Variants in SNRNP200 observed in about 807,000 individuals in gnomAD.
SNRNP200 encodes the protein U5 small nuclear ribonucleoprotein 200 kDa helicase.
SNRNP200 carries 66 observed loss-of-function variants against 255.2 expected under a neutral mutation model. The observed-to-expected ratio is 0.26, with a 90% CI of 0.21 to 0.32. The LOEUF (loss-of-function observed/expected upper bound fraction) is 0.32, where lower values mean the gene tolerates loss of function less well. SNRNP200 is among the 10% of genes least tolerant of loss of function. The pLI, the probability that SNRNP200 is intolerant of heterozygous loss-of-function variation, is 1.00. For synonymous variants in SNRNP200, 939 were observed against 1,027.8 expected (o/e 0.91, Z 1.65); for missense variants, 1,585 against 2,749.8 (o/e 0.58, Z 9.47).
At chr2:96,304,599 A>C (rs1411245447) in intron 2 of SNRNP200, 106 bp downstream of exon 2, 2 of 1,466,150 alleles carry the variant, frequency 1.4e-6, no homozygotes, top group Non-Finnish European at 1.9e-6. Context: ...GAATTGTTTT[A>C]ATGCCACTGA....
chr2:96,274,895 C>T lies in SNRNP200; in HGVS notation c.*117G>A. On this transcript the variant is annotated 3_prime_UTR_variant, in exon 45 of 45. Transcript: ENST00000323853. ...GGAGGTAGGCGGGGACAGCACCAGC[C>T]CTGGCTGGCCAGACCTGAGGCCCAC... 1 of 1,191,982 alleles carries T rather than the reference C, an allele frequency of 8.4e-7. No homozygotes were observed. Among genetic ancestry groups the T allele is most frequent in the Non-Finnish European group, 1.2e-6 (1 of 804,902 alleles). 73.8% of individuals were successfully genotyped at this position (1,191,982 alleles called of 1,614,324 possible).
rs761921935 is a variant in SNRNP200, at chr2:96,277,793, C to T, written c.5754+14G>A. 1.2e-6 allele frequency: 2 copies of T among 1,614,116 alleles called. No homozygotes were observed. The highest frequency in any genetic ancestry group is 1.3e-5 in the African/African-American group (1 of 74,940). On this transcript the variant is annotated intron_variant, in intron 40 of 44. Transcript: ENST00000323853. The surrounding 1 kb of genome is among the most constrained non-coding windows in gnomAD (Gnocchi z 4.4). The stretch of plus-strand genomic sequence containing the variant: ...GAGCACCACTGACCCCTCTGCCCCA[C>T]ACCCACACTCTACCTTACTAAGGAT...
intron 43 of SNRNP200, among the ~76,000 whole-genome samples, chr2:96,276,040 G>A (rs949899549): frequency 1.3e-5 from 2 of 152,234 alleles, no homozygotes; most frequent in Admixed American, 6.5e-5. Flanking sequence ...AGAGCTGAAT[G>A]TGCACAGAGA....
intron 3 of SNRNP200, among the ~76,000 whole-genome samples, chr2:96,302,075 C>A (rs932671452): frequency 2.0e-5 from 3 of 152,218 alleles, no homozygotes; most frequent in African/African-American, 7.2e-5. Context: ...GGTCCCCAAT[C>A]TAATCACACA....
intron 30 of SNRNP200, chr2:96,284,826 T>C (rs2063833079): frequency 1.1e-5 from 6 of 551,802 alleles, no homozygotes; most frequent in Non-Finnish European, 1.9e-5. Flanking sequence ...CTTGGCTCAC[T>C]GCAACCTCCG....
chr2:96,284,089 G>T, intron 31 of SNRNP200, 85 bp from the exon 32 acceptor site: 3 of 1,289,906 alleles, frequency 2.3e-6, no homozygotes, highest in Non-Finnish European at 3.3e-6. Flanking sequence ...CAGCCCAACA[G>T]CCTCAAAATG....
intron 12 of SNRNP200, 51 bp from the exon 13 acceptor site, chr2:96,296,742 T>C (rs1329452719): frequency 6.2e-7 from 1 of 1,603,270 alleles, no homozygotes; most frequent in Non-Finnish European, 8.5e-7. Flanking sequence ...TTATTCTCAC[T>C]GCCCTAACTT....
chr2:96,275,624 CTACTA>C (rs1277280099), intron 43 of SNRNP200, among the ~76,000 whole-genome samples: 2 of 152,162 alleles, frequency 1.3e-5, no homozygotes, highest in Non-Finnish European at 2.9e-5. Flanking sequence ...GTCCAAGGTA[CTACTA>C]TTAGAGGTCT....
Position 96,291,508 on chromosome 2 carries a change from G to T in SNRNP200, c.2311-6C>A. 1.3e-6 allele frequency: 2 copies of T among 1,575,860 alleles called. No individual in the cohort carries two copies. Among genetic ancestry groups the T allele is most frequent in the Non-Finnish European group, 1.7e-6 (2 of 1,145,128 alleles). On this transcript the variant is annotated splice_polypyrimidine_tract_variant and splice_region_variant and intron_variant, in intron 17 of 44. Transcript: ENST00000323853. This position sits in a 1 kb window ranked among gnomAD's most constrained non-coding sequence, Gnocchi z 4.2. ...AGATCCTTCAGCTCTAGGTTCTGTG[G>T]AACAAAGAACCGGGGATGAGGCGAG...
Position 96,288,666 on chromosome 2 carries a change from T to C in SNRNP200, c.3255A>G (p.Thr1085=). 1 of 1,613,192 alleles carries C rather than the reference T, an allele frequency of 6.2e-7. No homozygotes were observed. Among genetic ancestry groups the C allele is most frequent in the Non-Finnish European group, 8.5e-7 (1 of 1,179,146 alleles). ...TGCCATACAACTCCGCTCTCACCTG[T>C]GTGACATACACCATGTCAGCCATCA... The part of the protein sequence containing the change: ...FALMADMVYV[T]QSAGRLMRAI... Residue 1085 remains threonine, a synonymous_variant, in exon 24 of 45, where the codon ACA becomes ACG. Coordinates refer to ENST00000323853, the MANE Select transcript of SNRNP200 (RefSeq NM_014014.5).
chr2:96,299,454 T>C lies in SNRNP200; in HGVS notation c.631-27A>G, dbSNP rs3821052. 155 of 1,566,920 alleles carry C rather than the reference T, an allele frequency of 9.9e-5. No homozygotes were observed. The East Asian group carries it at 3.4e-3, about 34-fold the overall frequency. On this transcript the variant is annotated intron_variant, in intron 5 of 44. Transcript: ENST00000323853. The stretch of plus-strand genomic sequence containing the variant: ...TGTGGAAATGACCCCAACTCAACCA[T>C]GATCTGGAGCTGATCCTGCATCACC...
In SNRNP200 at chr2:96,293,112, T is replaced by TA. The variant is rs773264250; in HGVS notation, c.2037-18dup. 2.0e-5 allele frequency: 33 copies of TA among 1,614,080 alleles called. No individual in the cohort carries two copies. The African/African-American group carries it at 3.5e-4, about 17-fold the overall frequency. Reference sequence around the variant, plus strand: ...GGACGGAAGCTAGAAGTTCAACAGTTAGACAAATGAGGCTTTGGCAGAAAA... The same window carrying TA: ...GGACGGAAGCTAGAAGTTCAACAGTTAAGACAAATGAGGCTTTGGCAGAAAA... On this transcript the variant is annotated splice_polypyrimidine_tract_variant and intron_variant, in intron 15 of 44. Coordinates refer to ENST00000323853, the MANE Select transcript of SNRNP200 (RefSeq NM_014014.5).
Position 96,283,103 on chromosome 2 carries a change from G to C in SNRNP200, c.4915+98C>G, listed in dbSNP as rs1384171094. On this transcript the variant is annotated intron_variant, in intron 34 of 44. Coordinates refer to ENST00000323853, the MANE Select transcript of SNRNP200 (RefSeq NM_014014.5). The surrounding 1 kb of genome is among the most constrained non-coding windows in gnomAD (Gnocchi z 4.7). ...CTAAACAGTATTTTGAAAATCTCTG[G>C]TATGCTGTAGAGAAAACACTGCCAC... 3.5e-6 allele frequency: 5 copies of C among 1,447,384 alleles called. No individual in the cohort carries two copies. Among genetic ancestry groups the C allele is most frequent in the Non-Finnish European group, 3.9e-6 (4 of 1,038,900 alleles). 89.7% of individuals were successfully genotyped at this position (1,447,384 alleles called of 1,614,324 possible).
rs897103434 is a variant in SNRNP200 at position 96,288,771 on chromosome 2, C to T, written c.3175-25G>A. The T allele has an allele frequency of 1.9e-6, 3 of 1,593,496 alleles. No individual in the cohort carries two copies. In the Admixed American group the frequency reaches 5.0e-5, roughly 27 times the overall value. ...TCTGTAAAGAAGCAAAATCAGCCAG[C>T]AGGAGACCAATCACTGAACAGTCCA... On this transcript the variant is annotated intron_variant, in intron 23 of 44. Coordinates refer to ENST00000323853, the MANE Select transcript of SNRNP200 (RefSeq NM_014014.5).
rs557594028 is a variant in SNRNP200 at position 96,305,546 on chromosome 2, T to G, written c.-109A>C. ...CCGGAACGACGCAGGAAAGACGCAC[T>G]GGGGAAGGAAAAGAAACGGGTTCCC... On this transcript the variant is annotated 5_prime_UTR_variant, in exon 1 of 45. Coordinates refer to ENST00000323853, the MANE Select transcript of SNRNP200 (RefSeq NM_014014.5). 6.8e-6 allele frequency: 10 copies of G among 1,467,686 alleles called. No individual in the cohort carries two copies. The South Asian group carries it at 9.1e-5, about 13-fold the overall frequency. 90.9% of individuals were successfully genotyped at this position (1,467,686 alleles called of 1,614,324 possible). A position where few individuals can be genotyped will look rare whatever the true frequency, so the allele number is the denominator to read the frequency against.
chr2:96,293,752 G>A (rs911898798), intron 14 of SNRNP200, among the ~76,000 whole-genome samples: 3 of 152,128 alleles, frequency 2.0e-5, no homozygotes, highest in Non-Finnish European at 4.4e-5. Flanking sequence ...AAGAAATTCT[G>A]AAACTCAGAT....
chr2:96,293,524 G>A lies in SNRNP200; in HGVS notation c.1843-15C>T. The stretch of plus-strand genomic sequence containing the variant: ...TGAATCTCATCCTACGGAATTGGAG[G>A]ACAGAAATTACCTCTAGCACTAGAG... On this transcript the variant is annotated splice_polypyrimidine_tract_variant and intron_variant, in intron 14 of 44. Coordinates refer to ENST00000323853, the MANE Select transcript of SNRNP200 (RefSeq NM_014014.5). 1 of 1,609,754 alleles carries A rather than the reference G, an allele frequency of 6.2e-7. No individual in the cohort carries two copies. Among genetic ancestry groups the A allele is most frequent in the Non-Finnish European group, 8.5e-7 (1 of 1,177,916 alleles).
In SNRNP200 at chr2:96,278,537, C is replaced by G; in HGVS notation, c.5488+10G>C. ...CCCACAGACAGGACACGGGCCATGC[C>G]GGGCCTCACCAATGGTGGTGTAGTT... On this transcript the variant is annotated intron_variant, in intron 38 of 44. Transcript: ENST00000323853. The surrounding 1 kb of genome is among the most constrained non-coding windows in gnomAD (Gnocchi z 6.9). The G allele has an allele frequency of 6.2e-7, 1 of 1,613,804 alleles. No homozygotes were observed. Among genetic ancestry groups the G allele is most frequent in the South Asian group, 1.1e-5 (1 of 91,080 alleles).
At chr2:96,285,376 AGAAG>A (rs1558766005) in intron 29 of SNRNP200, 36 bp from the exon 30 acceptor site, 1 of 1,607,234 alleles carries the variant, frequency 6.2e-7, no homozygotes, top group East Asian at 2.2e-5. Context: ...GTAAGTATCA[AGAAG>A]GAAGAAGAGA....
Sources: allele counts gnomAD v4.1 joint callset (sites outside exome capture counted in the v4.1 genomes callset), GRCh38; gene constraint gnomAD v4.1.1; non-coding constraint Gnocchi (gnomAD v3.1); transcripts MANE v1.5; gene names NCBI Gene and HGNC (gene_info 2026-07-23, HGNC 2026-07-21).